The following EIF5A2 variants were observed in gnomAD, a reference collection of about 807,000 sequenced individuals.
EIF5A2 encodes eukaryotic translation initiation factor 5A-2.
In EIF5A2, 15 loss-of-function variants were observed where a neutral mutation model predicts 16.4. The observed-to-expected ratio is 0.92, with a 90% CI of 0.61 to 1.41. The LOEUF (loss-of-function observed/expected upper bound fraction) is 1.41. Among genes scored for constraint, EIF5A2 ranks in the 40% most tolerant of loss-of-function variants. The pLI, the probability that EIF5A2 is intolerant of heterozygous loss-of-function variation, is 0.00. For synonymous variants in EIF5A2, 48 were observed against 61.1 expected, an observed-to-expected ratio of 0.79 and a Z score of 1.00; for missense variants, 144 against 189.5, an observed-to-expected ratio of 0.76 and a Z score of 1.41.
chr3:170,893,287 G>T lies in EIF5A2; in HGVS notation c.*73C>A. 1.3e-6 allele frequency: 2 copies of T among 1,497,370 alleles called. No individual in the cohort carries two copies. Among genetic ancestry groups the T allele is most frequent in the Non-Finnish European group, 9.2e-7 (1 of 1,088,172 alleles). 92.8% of individuals were successfully genotyped at this position (1,497,370 alleles called of 1,614,324 possible). On this transcript the variant is annotated 3_prime_UTR_variant, in exon 5 of 5. Transcript: ENST00000295822. ...GGTTGCTTATGAAGGCTATAGCTTT[G>T]GTGACAACTTAGAACCAAATTAGAT...
rs2108297871 is a variant in EIF5A2 at position 170,908,613 on chromosome 3, C to CGGCGGTGGCGGCCGCGGCAGT, written c.-127_-107dup. On this transcript the variant is annotated 5_prime_UTR_variant, in exon 1 of 5. Transcript: ENST00000295822. ...TCCCCTACAGCAGCGGCGCCGGCAG[C>CGGCGGTGGCGGCCGCGGCAGT]GGCGGTGGCGGCCGCGGCAGTTCCA... 6.5e-6 allele frequency: 1 copy of CGGCGGTGGCGGCCGCGGCAGT among 153,030 alleles called. No homozygotes were observed. The highest frequency in any genetic ancestry group is 2.4e-5 in the African/African-American group (1 of 41,606). 9.5% of individuals were successfully genotyped at this position (153,030 alleles called of 1,614,324 possible). A position where few individuals can be genotyped will look rare whatever the true frequency, so the allele number is the denominator to read the frequency against.
At position 170,889,639 on chromosome 3, in the gene EIF5A2, A is replaced by C; in HGVS notation, c.*3721T>G. 6.6e-6 allele frequency: 1 copy of C among 152,574 alleles called. No homozygotes were observed. The highest frequency in any genetic ancestry group is 1.9e-4 in the East Asian group (1 of 5,196). 9.5% of individuals were successfully genotyped at this position (152,574 alleles called of 1,614,324 possible). Reference sequence around the variant, plus strand: ...TTCACTCTTACACTGCTTAAGAGCCATATTTTCTCATAGTAAATGCGTTCC... The same window carrying C: ...TTCACTCTTACACTGCTTAAGAGCCCTATTTTCTCATAGTAAATGCGTTCC... On this transcript the variant is annotated 3_prime_UTR_variant, in exon 5 of 5. Transcript: ENST00000295822.
Position 170,907,526 on chromosome 3 carries a change from G to GA in EIF5A2, c.165+115dup, listed in dbSNP as rs1712969110. The stretch of plus-strand genomic sequence containing the variant: ...CTGATTACCCAGTAATTGTGGGAAG[G>GA]AAAAAATAGTGCTTATTACAAAATT... On this transcript the variant is annotated intron_variant, in intron 2 of 4. Transcript: ENST00000295822. 3.2e-6 allele frequency: 4 copies of GA among 1,239,748 alleles called. No individual in the cohort carries two copies. In the East Asian group the frequency reaches 7.4e-5, roughly 23 times the overall value. 76.8% of individuals were successfully genotyped at this position (1,239,748 alleles called of 1,614,324 possible).
At chr3:170,901,646 C>G (rs529469546) in intron 3 of EIF5A2, among the ~76,000 whole-genome samples, 6 of 151,564 alleles carry the variant, frequency 4.0e-5, no homozygotes, top group African/African-American at 1.5e-4. Flanking sequence ...GCAACCTCCA[C>G]CTCCCTGGTG....
In EIF5A2 at chr3:170,907,696, T is replaced by C. The variant is rs772795728; in HGVS notation, c.111A>G (p.Pro37=). The change falls in exon 2 of 5, where the codon CCA becomes CCG. Residue 37 remains proline (P), a synonymous_variant. Transcript: ENST00000295822. ...KNGFVVLKGR[P]CKIVEMSTSK... Reference sequence around the variant, plus strand: ...AAGTTGACATCTCCACTATTTTGCATGGTCGTCCTTTGAGCACCACGAAGC... The same window carrying C: ...AAGTTGACATCTCCACTATTTTGCACGGTCGTCCTTTGAGCACCACGAAGC... The C allele has an allele frequency of 1.2e-6, 2 of 1,610,830 alleles. No homozygotes were observed. Among genetic ancestry groups the C allele is most frequent in the Non-Finnish European group, 1.7e-6 (2 of 1,177,456 alleles).
chr3:170,893,949 T>C (rs957161910), intron 4 of EIF5A2, among the ~76,000 whole-genome samples: 1 of 151,752 alleles, frequency 6.6e-6, no homozygotes, highest in Non-Finnish European at 1.5e-5. Flanking sequence ...GAGAATCGCT[T>C]GAACCTGGGA....
chr3:170,891,477 C>T lies in EIF5A2; in HGVS notation c.*1883G>A, dbSNP rs1283866235. The T allele has an allele frequency of 6.6e-6, 1 of 152,540 alleles. No individual in the cohort carries two copies. Among genetic ancestry groups the T allele is most frequent in the Non-Finnish European group, 1.5e-5 (1 of 68,008 alleles). 9.4% of individuals were successfully genotyped at this position (152,540 alleles called of 1,614,324 possible). A position where few individuals can be genotyped will look rare whatever the true frequency, so the allele number is the denominator to read the frequency against. ...TTTCTCTTAAAGTATCTTGCTTCTT[C>T]CCCAAATTGGTTTGCCGAGGCTAAG... On this transcript the variant is annotated 3_prime_UTR_variant, in exon 5 of 5. Coordinates refer to ENST00000295822, the MANE Select transcript of EIF5A2 (RefSeq NM_020390.6).
intron 3 of EIF5A2, among the ~76,000 whole-genome samples, chr3:170,899,825 A>C (rs889524906): frequency 6.6e-6 from 1 of 151,940 alleles, no homozygotes; most frequent in Non-Finnish European, 1.5e-5. Flanking sequence ...CTCTGACTCC[A>C]TAGAGTTGGA....
intron 3 of EIF5A2, among the ~76,000 whole-genome samples, chr3:170,898,452 G>A (rs1409330491): frequency 6.6e-6 from 1 of 152,128 alleles, no homozygotes; most frequent in Non-Finnish European, 1.5e-5. Context: ...TCTCATGATA[G>A]TAAGTGAGTT....
chr3:170,897,346 A>G (rs1237341506), intron 3 of EIF5A2, among the ~76,000 whole-genome samples: 1 of 152,220 alleles, frequency 6.6e-6, no homozygotes, highest in African/African-American at 2.4e-5. Context: ...AAATGTCTCC[A>G]GGGCATTCCA....
At chr3:170,898,543 T>G (rs1712729016) in intron 3 of EIF5A2, among the ~76,000 whole-genome samples, 1 of 152,170 alleles carries the variant, frequency 6.6e-6, no homozygotes, top group Non-Finnish European at 1.5e-5. Flanking sequence ...AAAACATGCC[T>G]TGCTTCCCTT....
At chr3:170,905,114 A>G (rs1265684965) in intron 3 of EIF5A2, among the ~76,000 whole-genome samples, 1 of 152,250 alleles carries the variant, frequency 6.6e-6, no homozygotes, top group Non-Finnish European at 1.5e-5. Context: ...TCAGATAGGC[A>G]TTTTAATGCA....
At chr3:170,907,518 G>T in intron 2 of EIF5A2, 124 bp downstream of exon 2, 1 of 1,131,586 alleles carries the variant, frequency 8.8e-7, no homozygotes, top group Non-Finnish European at 1.2e-6. Context: ...CCCAGTAATT[G>T]TGGGAAGGAA....
chr3:170,897,583 G>T (rs1712704564), intron 3 of EIF5A2, among the ~76,000 whole-genome samples: 1 of 152,168 alleles, frequency 6.6e-6, no homozygotes, highest in African/African-American at 2.4e-5. Context: ...ATGTGGTGTT[G>T]GGCCTGCAGG....
At position 170,890,876 on chromosome 3, in the gene EIF5A2, A is replaced by G. The variant is rs1712516489; in HGVS notation, c.*2484T>C. The G allele has an allele frequency of 6.6e-6, 1 of 152,614 alleles. No individual in the cohort carries two copies. Among genetic ancestry groups the G allele is most frequent in the African/African-American group, 2.4e-5 (1 of 41,472 alleles). 9.5% of individuals were successfully genotyped at this position (152,614 alleles called of 1,614,324 possible). ...TCCCCGCTTCCTTTTAATATAATTTATAAAGCTTTACTAAATATTTTGTTC... is the reference window on the plus strand; with the variant it reads ...TCCCCGCTTCCTTTTAATATAATTTGTAAAGCTTTACTAAATATTTTGTTC... On this transcript the variant is annotated 3_prime_UTR_variant, in exon 5 of 5. Transcript: ENST00000295822.
intron 4 of EIF5A2, among the ~76,000 whole-genome samples, chr3:170,893,980 G>A (rs373102635): frequency 2.0e-5 from 3 of 151,260 alleles, no homozygotes; most frequent in Non-Finnish European, 2.9e-5. Context: ...GCAATGAGCC[G>A]AGATCACGCC....
At chr3:170,902,143 CT>C (rs1197633086) in intron 3 of EIF5A2, among the ~76,000 whole-genome samples, 2 of 152,192 alleles carry the variant, frequency 1.3e-5, no homozygotes, top group Non-Finnish European at 2.9e-5. Flanking sequence ...TCAGAAAACA[CT>C]TTGTCTTACC....
chr3:170,907,470 GA>G (rs1712967354), intron 2 of EIF5A2, among the ~76,000 whole-genome samples, 171 bp downstream of exon 2: 1 of 152,168 alleles, frequency 6.6e-6, no homozygotes, highest in African/African-American at 2.4e-5. Context: ...CCCAAGAAGG[GA>G]ATGCTACCTT....
At chr3:170,901,066 T>C (rs1380207411) in intron 3 of EIF5A2, among the ~76,000 whole-genome samples, 2 of 152,196 alleles carry the variant, frequency 1.3e-5, no homozygotes, top group African/African-American at 4.8e-5. Context: ...TAAGACTCTA[T>C]ATCTTACTAC....
Sources: gnomAD v4.1 joint callset for allele counts (sites outside exome capture counted in the v4.1 genomes callset) on GRCh38, gnomAD v4.1.1 for gene constraint, MANE v1.5 for transcripts, NCBI Gene and HGNC (gene_info 2026-07-23, HGNC 2026-07-21) for gene names.